The following FSTL4 variants were observed in gnomAD, a reference collection of about 807,000 sequenced individuals.
FSTL4 encodes follistatin-related protein 4.
FSTL4 carries 28 observed loss-of-function variants against 78.2 expected under a neutral mutation model. The observed-to-expected ratio is 0.36, with a 90% CI of 0.27 to 0.49. The LOEUF (loss-of-function observed/expected upper bound fraction) is 0.49. Ranked by LOEUF, FSTL4 falls within the 20% of genes least tolerant of loss-of-function variation. The probability of loss-of-function intolerance (pLI) is 0.98; values close to 1 mark genes in which losing one functional copy is unlikely to be tolerated. For missense variants in FSTL4, 922 were observed against 1,084.9 expected (o/e 0.85, Z 2.11); for synonymous variants, 422 against 440.5 (o/e 0.96, Z 0.53).
intron 3 of FSTL4, among the ~76,000 whole-genome samples, chr5:133,550,914 T>C (rs1026878214): frequency 6.6e-6 from 1 of 152,198 alleles, no homozygotes; most frequent in Non-Finnish European, 1.5e-5. Flanking sequence ...GATGATTTTC[T>C]TGTCCTTTTA....
At chr5:133,782,254 A>G in the FSTL4 span, among the ~76,000 whole-genome samples, 2 of 152,270 alleles carry the variant, frequency 1.3e-5, no homozygotes, top group African/African-American at 2.4e-5. Context: ...CGGCAAAGAC[A>G]TATTTTATAA....
chr5:133,637,692 T>A, the FSTL4 span, among the ~76,000 whole-genome samples: 6 of 152,022 alleles, frequency 3.9e-5, no homozygotes, highest in Non-Finnish European at 2.9e-5. Context: ...AGTCCTTGAA[T>A]CTCTTCTCTG....
intron 3 of FSTL4, among the ~76,000 whole-genome samples, chr5:133,449,137 G>A (rs930234584): frequency 6.6e-6 from 1 of 152,184 alleles, no homozygotes; most frequent in African/African-American, 2.4e-5. Flanking sequence ...TCTACAGAAC[G>A]ATCCGCCCCA....
the FSTL4 span, among the ~76,000 whole-genome samples, chr5:133,650,222 C>T: frequency 6.6e-6 from 1 of 152,178 alleles, no homozygotes; most frequent in Non-Finnish European, 1.5e-5. Context: ...ACCCAAACAC[C>T]TCCCATGGGC....
chr5:133,355,933 C>T (rs552658953), intron 4 of FSTL4, among the ~76,000 whole-genome samples: 3 of 152,106 alleles, frequency 2.0e-5, no homozygotes, highest in African/African-American at 4.8e-5. Context: ...TAGTGAGGAC[C>T]GATGTCCAGG....
intron 3 of FSTL4, among the ~76,000 whole-genome samples, chr5:133,487,137 T>C (rs1414654870): frequency 1.3e-5 from 2 of 152,148 alleles, no homozygotes; most frequent in Non-Finnish European, 2.9e-5. Context: ...TGTGAGCACA[T>C]TGCTCAAGAG....
chr5:133,456,313 A>G (rs1006177220), intron 3 of FSTL4, among the ~76,000 whole-genome samples: 5 of 152,220 alleles, frequency 3.3e-5, no homozygotes, highest in African/African-American at 4.8e-5. Flanking sequence ...TGAGACAACA[A>G]GTGGGCCATG....
At chr5:133,315,551 A>G (rs551234889) in intron 5 of FSTL4, among the ~76,000 whole-genome samples, 41 of 152,306 alleles carry the variant, frequency 2.7e-4, no homozygotes, top group African/African-American at 9.9e-4. Context: ...TTGGCATCAA[A>G]GGTGGGAACC....
intron 6 of FSTL4, among the ~76,000 whole-genome samples, chr5:133,269,791 A>C (rs922587826): frequency 2.0e-5 from 3 of 152,212 alleles, no homozygotes; most frequent in African/African-American, 7.2e-5. Context: ...CTCTCATCTT[A>C]CATGCTGACT....
chr5:133,308,236 G>A (rs921359643), intron 6 of FSTL4, among the ~76,000 whole-genome samples: 1 of 152,222 alleles, frequency 6.6e-6, no homozygotes, highest in Non-Finnish European at 1.5e-5. Context: ...GGGGTAGGGG[G>A]AGTCACTGGC....
At chr5:133,743,174 TGA>T in the FSTL4 span, among the ~76,000 whole-genome samples, 1 of 152,122 alleles carries the variant, frequency 6.6e-6, no homozygotes, top group Non-Finnish European at 1.5e-5. Context: ...GGGAAAGACC[TGA>T]GAGACTGCAG....
chr5:133,667,423 A>T, the FSTL4 span, among the ~76,000 whole-genome samples: 1 of 152,234 alleles, frequency 6.6e-6, no homozygotes, highest in Non-Finnish European at 1.5e-5. Context: ...CATAAAGATG[A>T]TGTCATTTCA....
chr5:133,825,552 A>G, the FSTL4 span, among the ~76,000 whole-genome samples: 1 of 152,228 alleles, frequency 6.6e-6, no homozygotes, highest in Admixed American at 6.5e-5. Flanking sequence ...CAGTAATTCA[A>G]ATGACCATTT....
the FSTL4 span, among the ~76,000 whole-genome samples, chr5:133,771,356 G>A: frequency 6.6e-6 from 1 of 151,942 alleles, no homozygotes; most frequent in Admixed American, 6.6e-5. Context: ...CATGAGCATG[G>A]GATGCTTTAT....
chr5:133,592,574 A>C (rs1760654971), intron 2 of FSTL4, among the ~76,000 whole-genome samples: 1 of 152,190 alleles, frequency 6.6e-6, no homozygotes, highest in Non-Finnish European at 1.5e-5. Context: ...ACCTAATGCC[A>C]AAATTTGACC....
At chr5:133,217,142 G>A in intron 13 of FSTL4, 87 bp downstream of exon 13, 1 of 1,074,542 alleles carries the variant, frequency 9.3e-7, no homozygotes, top group Non-Finnish European at 1.4e-6. Context: ...TGGCACAGGA[G>A]CTGGGGAGTA....
At chr5:133,354,450 C>T (rs1481194941) in intron 4 of FSTL4, among the ~76,000 whole-genome samples, 1 of 152,224 alleles carries the variant, frequency 6.6e-6, no homozygotes, top group Non-Finnish European at 1.5e-5. Context: ...GTTGAGTGTG[C>T]ATTGAAGTTT....
At chr5:133,318,813 C>T (rs1753973833) in intron 4 of FSTL4, among the ~76,000 whole-genome samples, 1 of 152,230 alleles carries the variant, frequency 6.6e-6, no homozygotes. Flanking sequence ...TCCTCCTGGA[C>T]CTTGGTGGGG....
intron 2 of FSTL4, among the ~76,000 whole-genome samples, chr5:133,600,887 TTTAGA>T (rs1296624940): frequency 1.3e-5 from 2 of 152,262 alleles, no homozygotes; most frequent in Admixed American, 1.3e-4. Context: ...TTTTCACTTA[TTTAGA>T]GTCTCAGGAA....
Sources: gnomAD v4.1 joint callset for allele counts (sites outside exome capture counted in the v4.1 genomes callset) on GRCh38, gnomAD v4.1.1 for gene constraint, MANE v1.5 for transcripts, NCBI Gene and HGNC (gene_info 2026-07-23, HGNC 2026-07-21) for gene names.